MYO5B: variants seen among roughly 807,000 people sequenced by gnomAD.
MYO5B encodes myosin VB.
MYO5B carries 143 observed loss-of-function variants against 229.3 expected under a neutral mutation model. That is an observed-to-expected ratio of 0.62 (90% CI 0.54 to 0.72). MYO5B has a LOEUF of 0.72. Among genes scored for constraint, MYO5B ranks in the 30% least tolerant of loss-of-function variants. The probability of loss-of-function intolerance (pLI) is 0.00; values close to 1 mark genes in which losing one functional copy is unlikely to be tolerated. For synonymous variants in MYO5B, 918 were observed against 885.2 expected, an observed-to-expected ratio of 1.04 and a Z score of -0.66; for missense variants, 2,321 against 2,331.0, an observed-to-expected ratio of 1.00 and a Z score of 0.09.
chr18:49,980,918 T>C (rs1032098690), intron 8 of MYO5B, among the ~76,000 whole-genome samples: 4 of 152,228 alleles, frequency 2.6e-5, no homozygotes, highest in Non-Finnish European at 2.9e-5. Context: ...TTAATAAGAA[T>C]GGTCATGTAT....
Position 49,974,630 on chromosome 18 carries a change from G to A in MYO5B, c.1057-15C>T, listed in dbSNP as rs149299559. Reference sequence around the variant, plus strand: ...ACATCCTGGGGCTGTGGGAGATGGGGGAGATAGGTTCAGGAGGAGTGTGGG... The same window carrying A: ...ACATCCTGGGGCTGTGGGAGATGGGAGAGATAGGTTCAGGAGGAGTGTGGG... On this transcript the variant is annotated splice_polypyrimidine_tract_variant and intron_variant, in intron 9 of 39. Transcript: ENST00000285039. 1.3e-4 allele frequency: 208 copies of A among 1,612,016 alleles called. 1 individual carries two copies. The East Asian group carries it at 4.0e-3, about 31-fold the overall frequency.
intron 1 of MYO5B, among the ~76,000 whole-genome samples, chr18:50,143,490 G>C (rs1007295765): frequency 6.6e-6 from 1 of 152,168 alleles, no homozygotes; most frequent in African/African-American, 2.4e-5. Flanking sequence ...GAACAGCACC[G>C]GCTGACACCA....
intron 8 of MYO5B, among the ~76,000 whole-genome samples, chr18:49,983,120 C>G (rs1388358682): frequency 6.6e-6 from 1 of 152,214 alleles, no homozygotes; most frequent in African/African-American, 2.4e-5. Context: ...CAGTTATCAA[C>G]TTATCTCTCA....
intron 33 of MYO5B, 38 bp downstream of exon 33, chr18:49,847,108 A>AG (rs757863493): frequency 3.7e-5 from 59 of 1,611,934 alleles, no homozygotes; most frequent in Non-Finnish European, 5.0e-5. Flanking sequence ...GGGCTGAAGG[A>AG]GGGGCAGGCA....
chr18:49,929,722 C>A (rs1019622840), intron 16 of MYO5B, 124 bp from the exon 17 acceptor site: 2 of 842,786 alleles, frequency 2.4e-6, no homozygotes, highest in Non-Finnish European at 3.9e-6. Context: ...TGAGTTACAG[C>A]CACTGAGTTA....
intron 4 of MYO5B, among the ~76,000 whole-genome samples, chr18:50,022,209 G>T (rs942607200): frequency 6.6e-6 from 1 of 152,084 alleles, no homozygotes. Flanking sequence ...TAGAGTTAGG[G>T]TGCCCAAGTT....
At chr18:49,923,085 C>T (rs938512630) in intron 17 of MYO5B, among the ~76,000 whole-genome samples, 8 of 152,148 alleles carry the variant, frequency 5.3e-5, no homozygotes, top group Middle Eastern at 3.2e-3. Context: ...GCAGTAGGAA[C>T]AGGGCAGTGA....
At chr18:50,068,497 A>G (rs559555501) in intron 1 of MYO5B, among the ~76,000 whole-genome samples, 41 of 152,294 alleles carry the variant, frequency 2.7e-4, no homozygotes, top group African/African-American at 9.6e-4. Flanking sequence ...GGACTGACCA[A>G]AACTCCTCCA....
chr18:50,188,430 C>T (rs1299962898), intron 1 of MYO5B, among the ~76,000 whole-genome samples: 3 of 152,144 alleles, frequency 2.0e-5, no homozygotes, highest in Admixed American at 1.3e-4. Context: ...TGTTAGTGTA[C>T]TTTGTGTATT....
intron 1 of MYO5B, among the ~76,000 whole-genome samples, chr18:50,192,757 T>A (rs967724873): frequency 1.3e-5 from 2 of 152,198 alleles, no homozygotes; most frequent in African/African-American, 4.8e-5. Context: ...CTTTTCCAGT[T>A]AATAATGTAA....
At chr18:50,047,704 C>T (rs375677205) in intron 2 of MYO5B, among the ~76,000 whole-genome samples, 7 of 152,060 alleles carry the variant, frequency 4.6e-5, no homozygotes, top group East Asian at 1.9e-4. Context: ...TGTCCAACAA[C>T]GGTAGACTGG....
intron 17 of MYO5B, among the ~76,000 whole-genome samples, chr18:49,913,016 T>G (rs945713381): frequency 6.6e-6 from 1 of 152,240 alleles, no homozygotes; most frequent in Admixed American, 6.5e-5. Context: ...TTAATCAGTA[T>G]AGAAGGAACC....
At chr18:49,942,601 G>A (rs1264169247) in intron 14 of MYO5B, among the ~76,000 whole-genome samples, 3 of 151,804 alleles carry the variant, frequency 2.0e-5, no homozygotes, top group Admixed American at 2.0e-4. Context: ...GCAGCCAAAA[G>A]ACACATGAAA....
intron 27 of MYO5B, chr18:49,871,637 T>C (rs760958622): frequency 9.0e-5 from 18 of 200,610 alleles, no homozygotes; most frequent in Admixed American, 3.7e-4. Flanking sequence ...GAACAGTCCA[T>C]TGAAATAACT....
In MYO5B at chr18:49,894,953, A is replaced by G; in HGVS notation, c.3033T>C (p.Asp1011=). 1 of 1,613,012 alleles carries G rather than the reference A, an allele frequency of 6.2e-7. No homozygotes were observed. Among genetic ancestry groups the G allele is most frequent in the Non-Finnish European group, 8.5e-7 (1 of 1,180,002 alleles). ...GGCCTGAGCATACCTTCCTCAGCTC[A>G]TCTTTCTCCCTGCTGTGGGCGTCCT... The part of the protein sequence containing the change: ...ILEDAHSREK[D]ELRKRVADLE... Residue 1011 remains aspartate, a synonymous_variant, in exon 22 of 40, where the codon GAT becomes GAC. Coordinates refer to ENST00000285039, the MANE Select transcript of MYO5B (RefSeq NM_001080467.3).
In MYO5B at chr18:50,060,599, A is replaced by C. The variant is rs185329931; in HGVS notation, c.28-5221T>G. On this transcript the variant is annotated intron_variant, in intron 1 of 39. Transcript: ENST00000285039. ...TTGTGATTTTTGGAAAGTTCTTTTG[A>C]AAAGAGCCCCACATATTTCCTAGAG... Among the ~76,000 whole-genome samples, 729 of 152,370 alleles carry C rather than the reference A, an allele frequency of 4.8e-3. 5 individuals carry two copies. The highest frequency in any genetic ancestry group is 0.016 in the African/African-American group (679 of 41,590).
At chr18:50,022,809 G>A (rs1188332410) in intron 4 of MYO5B, among the ~76,000 whole-genome samples, 1 of 152,182 alleles carries the variant, frequency 6.6e-6, no homozygotes, top group Non-Finnish European at 1.5e-5. Context: ...GAAGCATCCA[G>A]TGTCCTCACT....
intron 2 of MYO5B, among the ~76,000 whole-genome samples, chr18:50,041,291 A>G (rs542937480): frequency 6.6e-6 from 1 of 152,358 alleles, no homozygotes; most frequent in African/African-American, 2.4e-5. Context: ...TCTGTTTTAC[A>G]TAAAACTTTT....
At chr18:50,030,596 C>T (rs748669681) in intron 4 of MYO5B, among the ~76,000 whole-genome samples, 6 of 151,668 alleles carry the variant, frequency 4.0e-5, no homozygotes, top group Non-Finnish European at 7.4e-5. Context: ...ACTAGAATCC[C>T]TATCCTTGCC....
Sources: allele counts gnomAD v4.1 joint callset (sites outside exome capture counted in the v4.1 genomes callset), GRCh38; gene constraint gnomAD v4.1.1; transcripts MANE v1.5; gene names NCBI Gene and HGNC (gene_info 2026-07-23, HGNC 2026-07-21).